Variants in PLEKHA5 observed in about 807,000 individuals in gnomAD.
PLEKHA5 encodes the protein pleckstrin homology domain-containing family A member 5.
PLEKHA5 carries 55 observed loss-of-function variants against 181.9 expected under a neutral mutation model. That is an observed-to-expected ratio of 0.30 (90% CI 0.24 to 0.38). The LOEUF (loss-of-function observed/expected upper bound fraction) is 0.38. Ranked by LOEUF, PLEKHA5 falls within the 10% of genes least tolerant of loss-of-function variation. PLEKHA5 has a pLI of 1.00. For missense variants in PLEKHA5, 1,432 were observed against 1,549.5 expected (o/e 0.92, Z 1.27); for synonymous variants, 535 against 529.4 (o/e 1.01, Z -0.15).
intron 3 of PLEKHA5, chr12:19,154,188 T>C (rs961643581): frequency 6.6e-6 from 1 of 152,174 alleles, no homozygotes; most frequent in Non-Finnish European, 1.5e-5. Flanking sequence ...TAAACTTTCT[T>C]TTATTTAGCA....
At chr12:19,145,957 A>G (rs562776368) in intron 3 of PLEKHA5, among the ~76,000 whole-genome samples, 1 of 152,362 alleles carries the variant, frequency 6.6e-6, no homozygotes, top group Admixed American at 6.5e-5. Flanking sequence ...GAGCTACAAA[A>G]AAACTTACAA....
chr12:19,275,691 C>A (rs913506605), intron 11 of PLEKHA5, among the ~76,000 whole-genome samples: 5 of 152,044 alleles, frequency 3.3e-5, no homozygotes, highest in Non-Finnish European at 7.4e-5. Flanking sequence ...TTGCTTGAGC[C>A]CAGGAGTTGG....
chr12:19,329,131 G>T (rs1442213605), intron 20 of PLEKHA5, among the ~76,000 whole-genome samples: 3 of 152,120 alleles, frequency 2.0e-5, no homozygotes, highest in African/African-American at 7.2e-5. Context: ...TTTATGTGGT[G>T]ACTCACATTT....
chr12:19,354,613 T>C (rs1430623896), intron 26 of PLEKHA5, among the ~76,000 whole-genome samples: 2 of 151,106 alleles, frequency 1.3e-5, no homozygotes, highest in Non-Finnish European at 2.9e-5. Flanking sequence ...CCCAAGTAGC[T>C]GGGACTACAG....
At chr12:19,198,832 G>A (rs2053552527) in intron 3 of PLEKHA5, among the ~76,000 whole-genome samples, 1 of 152,076 alleles carries the variant, frequency 6.6e-6, no homozygotes, top group Admixed American at 6.6e-5. Context: ...GCAGAATGCA[G>A]GAATAGTTAT....
rs1413968796 is a variant in PLEKHA5 at position 19,322,498 on chromosome 12, A to AAAAAAAAAACT, written c.2299-19_2299-18insAAAAAAAACTA. The AAAAAAAAAACT allele has an allele frequency of 1.2e-6, 2 of 1,612,054 alleles. No homozygotes were observed. Among genetic ancestry groups the AAAAAAAAAACT allele is most frequent in the African/African-American group, 2.7e-5 (2 of 74,918 alleles). ...TACAATGATGCAGAACATTAAGTGT[A>AAAAAAAAAACT]ATTCTTTTTATCATAATAGTACACG... On this transcript the variant is annotated intron_variant, in intron 19 of 31. Transcript: ENST00000429027.
intron 8 of PLEKHA5, among the ~76,000 whole-genome samples, chr12:19,267,400 G>A (rs987854346): frequency 6.6e-6 from 1 of 152,202 alleles, no homozygotes; most frequent in Non-Finnish European, 1.5e-5. Context: ...GCTCATGCCT[G>A]TAATCCCAGC....
chr12:19,269,805 C>T lies in PLEKHA5; in HGVS notation c.747C>T (p.Cys249=), dbSNP rs781235367. 5 of 1,608,486 alleles carry T rather than the reference C, an allele frequency of 3.1e-6. No homozygotes were observed. In the East Asian group the frequency reaches 1.1e-4, roughly 36 times the overall value. ...AHPNMRTYYF[C]TDTGKEMELW... is the part of the protein sequence containing the mutation. Reference sequence around the variant, plus strand: ...CAAACATGCGGACCTATTATTTCTGCACTGATACAGGAAAGGAAATGGAGT... The same window carrying T: ...CAAACATGCGGACCTATTATTTCTGTACTGATACAGGAAAGGAAATGGAGT... Residue 249 remains cysteine (C), a synonymous_variant, in exon 9 of 32, where the codon TGC becomes TGT. Coordinates refer to ENST00000429027, the MANE Select transcript of PLEKHA5 (RefSeq NM_001256470.2).
chr12:19,154,287 C>G (rs2041163008), intron 3 of PLEKHA5: 1 of 151,918 alleles, frequency 6.6e-6, no homozygotes, highest in Non-Finnish European at 1.5e-5. Flanking sequence ...TATAATGAAT[C>G]TTTTTCCAGT....
chr12:19,281,903 T>A (rs2076260700), intron 11 of PLEKHA5, among the ~76,000 whole-genome samples: 1 of 151,936 alleles, frequency 6.6e-6, no homozygotes, highest in Admixed American at 6.6e-5. Context: ...TGCCTCAGCC[T>A]CCCAAGTAGC....
chr12:19,163,177 CA>C (rs1459953867), intron 3 of PLEKHA5, among the ~76,000 whole-genome samples: 2 of 150,976 alleles, frequency 1.3e-5, no homozygotes, highest in African/African-American at 4.9e-5. Context: ...AATTTGAATT[CA>C]CTTTTTTTTT....
chr12:19,154,587 A>G (rs568161593), intron 3 of PLEKHA5: 1 of 152,330 alleles, frequency 6.6e-6, no homozygotes, highest in African/African-American at 2.4e-5. Context: ...TGGAAGAAGT[A>G]ATTGGAATAA....
At chr12:19,286,827 G>A (rs377730108) in intron 12 of PLEKHA5, among the ~76,000 whole-genome samples, 26 of 151,950 alleles carry the variant, frequency 1.7e-4, no homozygotes, top group South Asian at 2.1e-4. Context: ...TTAGTCAGAC[G>A]TGGTGGCATG....
In PLEKHA5 at chr12:19,339,739, G is replaced by A. The variant is rs1313913543; in HGVS notation, c.2550+3123G>A. Among the ~76,000 whole-genome samples the A allele has an allele frequency of 2.6e-5, 4 of 152,074 alleles. No homozygotes were observed. In the South Asian group the frequency reaches 8.3e-4, roughly 31 times the overall value. On this transcript the variant is annotated intron_variant, in intron 21 of 31. Transcript: ENST00000429027. ...GTCATACTCTATGAATGGTAACATTGCATATACAGCCTTAGACCAGTTACA... is the reference window on the plus strand; with the variant it reads ...GTCATACTCTATGAATGGTAACATTACATATACAGCCTTAGACCAGTTACA...
At position 19,197,195 on chromosome 12, in the gene PLEKHA5, A is replaced by G. The variant is rs114807010; in HGVS notation, c.228-56745A>G. Among the ~76,000 whole-genome samples the G allele has an allele frequency of 2.0e-3, 309 of 152,232 alleles. 1 individual carries two copies. Among genetic ancestry groups the G allele is most frequent in the African/African-American group, 7.3e-3 (304 of 41,536 alleles). ...ACCCTTTTCTCCTGACTTCTATGAC[A>G]TCATACCCTTCTGGGTTTCATGCTG... On this transcript the variant is annotated intron_variant, in intron 3 of 31. Coordinates refer to ENST00000429027, the MANE Select transcript of PLEKHA5 (RefSeq NM_001256470.2).
intron 25 of PLEKHA5, among the ~76,000 whole-genome samples, chr12:19,353,505 A>G (rs576384074): frequency 2.5e-4 from 38 of 150,840 alleles, no homozygotes; most frequent in African/African-American, 7.8e-4. Flanking sequence ...TTTGTTGCCC[A>G]CGCTGGTGCA....
At chr12:19,285,339 C>T (rs891560919) in intron 12 of PLEKHA5, among the ~76,000 whole-genome samples, 16 of 152,130 alleles carry the variant, frequency 1.1e-4, no homozygotes, top group African/African-American at 3.1e-4. Context: ...TCATCTGTTT[C>T]GACAGCAAAT....
chr12:19,313,067 A>G (rs1200220227), intron 15 of PLEKHA5, among the ~76,000 whole-genome samples: 4 of 152,136 alleles, frequency 2.6e-5, no homozygotes, highest in East Asian at 1.9e-4. Context: ...GTGAAACAGA[A>G]CACACAACCT....
At chr12:19,370,346 A>G (rs967400112) in intron 31 of PLEKHA5, among the ~76,000 whole-genome samples, 1 of 152,238 alleles carries the variant, frequency 6.6e-6, no homozygotes, top group African/African-American at 2.4e-5. Flanking sequence ...CATGGATGGT[A>G]TCAGGGAGAA....
Sources: gnomAD v4.1 joint callset for allele counts (sites outside exome capture counted in the v4.1 genomes callset) on GRCh38, gnomAD v4.1.1 for gene constraint, MANE v1.5 for transcripts, NCBI Gene and HGNC (gene_info 2026-07-23, HGNC 2026-07-21) for gene names.